The following PPARA variants were observed in gnomAD, a reference collection of about 807,000 sequenced individuals.
PPARA encodes the protein peroxisome proliferator-activated receptor alpha.
Under a neutral mutation model 42.2 loss-of-function variants are expected in PPARA, and 22 were observed. The ratio of observed to expected loss-of-function variants is 0.52; its 90% confidence interval spans 0.37 to 0.74. The LOEUF is 0.74. PPARA is among the 30% of genes least tolerant of loss of function. The probability of loss-of-function intolerance (pLI) is 0.00; values close to 1 mark genes in which losing one functional copy is unlikely to be tolerated. For synonymous variants in PPARA, 242 were observed against 239.3 expected, an observed-to-expected ratio of 1.01 and a Z score of -0.10; for missense variants, 465 against 608.2, an observed-to-expected ratio of 0.76 and a Z score of 2.48.
chr22:46,225,164 A>G lies in PPARA; in HGVS notation c.711+5150A>G. On this transcript the variant is annotated intron_variant, in intron 7 of 8. Coordinates refer to ENST00000407236, the MANE Select transcript of PPARA (RefSeq NM_005036.6). The surrounding 1 kb of genome is among the most constrained non-coding windows in gnomAD (Gnocchi z 4.1). ...AGCTGAGGGAAGGAGTGAGGGGTGG[A>G]TGGAGAATGTCTGTGTCCATCTGGA... is the stretch of plus-strand genomic sequence containing the variant. 6.6e-6 allele frequency among the ~76,000 whole-genome samples: 1 copy of G among 152,028 alleles called. No homozygotes were observed. The highest frequency in any genetic ancestry group is 1.9e-4 in the East Asian group (1 of 5,186).
At chr22:46,152,132 A>ATTTTT (rs780789203) in intron 2 of PPARA, among the ~76,000 whole-genome samples, 162 bp downstream of exon 2, 71 of 104,664 alleles carry the variant, frequency 6.8e-4, no homozygotes, top group East Asian at 8.6e-4. Context: ...GCATGGATTC[A>ATTTTT]TTTTTTTTTT....
In PPARA at chr22:46,239,409, C is replaced by T. The variant is rs879159981; in HGVS notation, c.*4029C>T. On this transcript the variant is annotated 3_prime_UTR_variant, in exon 9 of 9. Transcript: ENST00000407236. ...CCATGCTAGAGCTGAGGCGCACAGCCTGTGGCCTCTGTAGTTAGGGCAGGT... is the reference window on the plus strand; with the variant it reads ...CCATGCTAGAGCTGAGGCGCACAGCTTGTGGCCTCTGTAGTTAGGGCAGGT... 6.6e-6 allele frequency: 1 copy of T among 151,448 alleles called. No homozygotes were observed. Among genetic ancestry groups the T allele is most frequent in the South Asian group, 2.1e-4 (1 of 4,736 alleles). The allele number at this position is 151,448 out of a possible 1,614,324, so 9.4% of individuals were successfully genotyped here.
Position 46,230,643 on chromosome 22 carries a change from C to G in PPARA, c.712-1149C>G, listed in dbSNP as rs1007525611. ...AGGAAATGGCAGGCCACTGGGTTTA[C>G]ATGCAGATGGCATGGGAGCACACAA... On this transcript the variant is annotated intron_variant, in intron 7 of 8. Transcript: ENST00000407236. The surrounding 1 kb of genome is among the most constrained non-coding windows in gnomAD (Gnocchi z 5.0). Among the ~76,000 whole-genome samples, 2 of 152,186 alleles carry G rather than the reference C, an allele frequency of 1.3e-5. No homozygotes were observed. The highest frequency in any genetic ancestry group is 4.8e-5 in the African/African-American group (2 of 41,452).
rs528348496 is a variant in PPARA at position 46,224,733 on chromosome 22, C to T, written c.711+4719C>T. ...GGCTGTGTGCTGGGGAAGGCAGGCT[C>T]GCCTCCTCCCTGCAGGGGCTGCTGG... On this transcript the variant is annotated intron_variant, in intron 7 of 8. Transcript: ENST00000407236. The surrounding 1 kb of genome is among the most constrained non-coding windows in gnomAD (Gnocchi z 5.7). 1.3e-5 allele frequency among the ~76,000 whole-genome samples: 2 copies of T among 152,184 alleles called. No individual in the cohort carries two copies. The highest frequency in any genetic ancestry group is 2.4e-5 in the African/African-American group (1 of 41,452).
chr22:46,208,088 C>T (rs1933568453), intron 4 of PPARA, among the ~76,000 whole-genome samples: 2 of 152,042 alleles, frequency 1.3e-5, no homozygotes, highest in Non-Finnish European at 2.9e-5. Flanking sequence ...TATCTGGTTG[C>T]TTTAACTTTA....
intron 2 of PPARA, among the ~76,000 whole-genome samples, chr22:46,159,713 A>G (rs938372995): frequency 6.6e-6 from 1 of 152,210 alleles, no homozygotes; most frequent in Admixed American, 6.6e-5. Flanking sequence ...TTATGCGAAG[A>G]TCTTGAAGGT....
chr22:46,226,458 G>A (rs1387265038), intron 7 of PPARA, among the ~76,000 whole-genome samples: 1 of 152,214 alleles, frequency 6.6e-6, no homozygotes. Flanking sequence ...CAGTTCAAAT[G>A]AAGAAAGTAG....
intron 5 of PPARA, among the ~76,000 whole-genome samples, chr22:46,217,899 C>T (rs1934643222): frequency 7.6e-6 from 1 of 131,770 alleles, no homozygotes; most frequent in African/African-American, 2.9e-5. Flanking sequence ...GGCACAATCT[C>T]AGCTCACTGC....
intron 2 of PPARA, among the ~76,000 whole-genome samples, chr22:46,153,341 T>C (rs2147086164): frequency 6.6e-6 from 1 of 151,916 alleles, no homozygotes; most frequent in East Asian, 2.0e-4. Context: ...GGCTAATTTT[T>C]GTATTTTTAG....
chr22:46,218,250 A>T lies in PPARA; in HGVS notation c.370-13A>T, dbSNP rs6413511. Reference sequence around the variant, plus strand: ...GCCCAGGTCTTTAAATCCACTGTGTATTACCCTCACAGGGCTTCTTTCGGC... The same window carrying T: ...GCCCAGGTCTTTAAATCCACTGTGTTTTACCCTCACAGGGCTTCTTTCGGC... On this transcript the variant is annotated splice_polypyrimidine_tract_variant and intron_variant, in intron 5 of 8. Coordinates refer to ENST00000407236, the MANE Select transcript of PPARA (RefSeq NM_005036.6). The T allele has an allele frequency of 2.5e-6, 4 of 1,613,976 alleles. No homozygotes were observed. The highest frequency in any genetic ancestry group is 2.2e-5 in the East Asian group (1 of 44,890).
Position 46,219,897 on chromosome 22 carries a change from T to A in PPARA, c.594T>A (p.Ser198=). ...CCTGTGAACATGACATAGAAGATTC[T>A]GAAACTGCAGATCTCAAATCTCTGG... ...ILTCEHDIED[S]ETADLKSLAK... is the part of the protein sequence containing the mutation. Residue 198 remains serine (S), a synonymous_variant, in exon 7 of 9, where the codon TCT becomes TCA. Transcript: ENST00000407236. The surrounding 1 kb of genome is among the most constrained non-coding windows in gnomAD (Gnocchi z 4.8). 1 of 1,614,216 alleles carries A rather than the reference T, an allele frequency of 6.2e-7. No individual in the cohort carries two copies. Among genetic ancestry groups the A allele is most frequent in the Non-Finnish European group, 8.5e-7 (1 of 1,180,036 alleles).
rs564660492 is a variant in PPARA at position 46,165,554 on chromosome 22, A to G, written c.-126-11199A>G. On this transcript the variant is annotated intron_variant, in intron 2 of 8. Coordinates refer to ENST00000407236, the MANE Select transcript of PPARA (RefSeq NM_005036.6). The surrounding 1 kb of genome is among the most constrained non-coding windows in gnomAD (Gnocchi z 5.5). ...AGAAGCAGTTAAGAGCCTGAGTGGCACTTTTGAGGGGCTAGAAGGGAAGAC... is the reference window on the plus strand; with the variant it reads ...AGAAGCAGTTAAGAGCCTGAGTGGCGCTTTTGAGGGGCTAGAAGGGAAGAC... 2.6e-5 allele frequency among the ~76,000 whole-genome samples: 4 copies of G among 152,286 alleles called. No individual in the cohort carries two copies. Among genetic ancestry groups the G allele is most frequent in the Non-Finnish European group, 4.4e-5 (3 of 68,006 alleles).
At chr22:46,226,252 C>A (rs766371181) in intron 7 of PPARA, among the ~76,000 whole-genome samples, 2 of 151,656 alleles carry the variant, frequency 1.3e-5, no homozygotes, top group Non-Finnish European at 2.9e-5. Flanking sequence ...CACACACACA[C>A]TTACTGTTGC....
At chr22:46,215,354 G>A (rs1404523798) in intron 5 of PPARA, 21 bp downstream of exon 5, 5 of 1,614,014 alleles carry the variant, frequency 3.1e-6, no homozygotes, top group Non-Finnish European at 3.4e-6. Flanking sequence ...GCTGGAACAG[G>A]GCCTGGTGGC....
chr22:46,191,007 C>T lies in PPARA; in HGVS notation c.-42-7335C>T, dbSNP rs1251508455. Among the ~76,000 whole-genome samples the T allele has an allele frequency of 6.6e-6, 1 of 152,110 alleles. No homozygotes were observed. Among genetic ancestry groups the T allele is most frequent in the Non-Finnish European group, 1.5e-5 (1 of 68,026 alleles). On this transcript the variant is annotated intron_variant, in intron 3 of 8. Coordinates refer to ENST00000407236, the MANE Select transcript of PPARA (RefSeq NM_005036.6). The surrounding 1 kb of genome is among the most constrained non-coding windows in gnomAD (Gnocchi z 4.6). ...GGTGTTCAAAACCAGCCTGGCCAAA[C>T]ATGGTGAAACCACATCTCTACTAAA... is the stretch of plus-strand genomic sequence containing the variant.
intron 4 of PPARA, among the ~76,000 whole-genome samples, chr22:46,210,325 A>C (rs1257493223): frequency 2.0e-5 from 3 of 151,858 alleles, no homozygotes; most frequent in Non-Finnish European, 1.5e-5. Flanking sequence ...AAAAAAAAAA[A>C]AAAACTCTTA....
chr22:46,168,728 C>G (rs135538), intron 2 of PPARA, among the ~76,000 whole-genome samples: 79,656 of 151,674 alleles, frequency 0.53, 23,455 homozygotes, highest in African/African-American at 0.8. Context: ...CATCTCTCTT[C>G]GTAGAAAGAT....
rs764662561 is a variant in PPARA at position 46,207,677 on chromosome 22, ATTT to A, written c.209-7475_209-7473del. ...TATTATTATTATTATTATTATTATT[ATTT>A]TTTTTTTTTTTTTTTTTTTTAGAGA... On this transcript the variant is annotated intron_variant, in intron 4 of 8. Transcript: ENST00000407236. 6.2e-3 allele frequency among the ~76,000 whole-genome samples: 313 copies of A among 50,654 alleles called. 2 individuals carry two copies. The highest frequency in any genetic ancestry group is 0.023 in the African/African-American group (275 of 11,890). The allele number at this position is 50,654 out of a possible 152,430, so 33.2% of individuals were successfully genotyped here. A position where few individuals can be genotyped will look rare whatever the true frequency, so the allele number is the denominator to read the frequency against.
At chr22:46,194,834 A>G (rs1932018746) in intron 3 of PPARA, among the ~76,000 whole-genome samples, 1 of 149,764 alleles carries the variant, frequency 6.7e-6, no homozygotes. Flanking sequence ...TCAGCCTCCC[A>G]AAGTGCTGGG....
Sources: allele counts gnomAD v4.1 joint callset (sites outside exome capture counted in the v4.1 genomes callset), GRCh38; gene constraint gnomAD v4.1.1; non-coding constraint Gnocchi (gnomAD v3.1); transcripts MANE v1.5; gene names NCBI Gene and HGNC (gene_info 2026-07-23, HGNC 2026-07-21).